BNC2: variants seen among roughly 807,000 people sequenced by gnomAD.
The protein encoded by BNC2 is basonuclin zinc finger protein 2, also known as zinc finger protein basonuclin-2.
Under a neutral mutation model 76.3 loss-of-function variants are expected in BNC2, and 20 were observed. That is an observed-to-expected ratio of 0.26 (90% CI 0.18 to 0.38). The LOEUF is 0.38. Among genes scored for constraint, BNC2 ranks in the 10% least tolerant of loss-of-function variants. The pLI, the probability that BNC2 is intolerant of heterozygous loss-of-function variation, is 1.00. For synonymous variants in BNC2, 582 were observed against 514.8 expected (o/e 1.13, Z -1.77); for missense variants, 1,382 against 1,399.8 (o/e 0.99, Z 0.20).
At chr9:16,531,792 A>G (rs1254931315) in intron 5 of BNC2, among the ~76,000 whole-genome samples, 2 of 152,236 alleles carry the variant, frequency 1.3e-5, no homozygotes, top group East Asian at 3.9e-4. Flanking sequence ...TTATCTAGAG[A>G]TCTCCTGTAT....
chr9:16,627,566 A>C (rs1821033736), intron 3 of BNC2, among the ~76,000 whole-genome samples: 1 of 152,176 alleles, frequency 6.6e-6, no homozygotes, highest in Non-Finnish European at 1.5e-5. Context: ...TAATGACACC[A>C]AAATTACTTA....
chr9:16,691,440 G>C (rs1255450429), intron 3 of BNC2, among the ~76,000 whole-genome samples: 1 of 150,840 alleles, frequency 6.6e-6, no homozygotes, highest in African/African-American at 2.4e-5. Context: ...CTTTACCTGG[G>C]TTTTAGCATT....
intron 3 of BNC2, among the ~76,000 whole-genome samples, chr9:16,702,175 T>C (rs1197038836): frequency 2.0e-5 from 3 of 152,166 alleles, no homozygotes; most frequent in Non-Finnish European, 2.9e-5. Flanking sequence ...TTTTGTTTAA[T>C]TCTACAGAGG....
At chr9:16,637,691 T>C (rs2133815416) in intron 3 of BNC2, among the ~76,000 whole-genome samples, 1 of 152,292 alleles carries the variant, frequency 6.6e-6, no homozygotes, top group South Asian at 2.1e-4. Context: ...CACACAACCA[T>C]GCATCTAACA....
chr9:16,718,246 G>C (rs552738032), intron 3 of BNC2, among the ~76,000 whole-genome samples: 2 of 152,226 alleles, frequency 1.3e-5, no homozygotes, highest in Admixed American at 6.5e-5. Context: ...CATCTCACCT[G>C]TATGAGGCCA....
intron 5 of BNC2, among the ~76,000 whole-genome samples, chr9:16,515,234 G>T (rs1023529798): frequency 2.0e-5 from 3 of 152,220 alleles, no homozygotes; most frequent in Admixed American, 6.5e-5. Context: ...GTCTGTGGCT[G>T]TCAGTGTCTG....
At chr9:16,868,600 A>G (rs1819599583) in intron 1 of BNC2, among the ~76,000 whole-genome samples, 2 of 152,240 alleles carry the variant, frequency 1.3e-5, no homozygotes, top group African/African-American at 4.8e-5. Flanking sequence ...AAAGATACTC[A>G]AAACAAAGTT....
Position 16,507,250 on chromosome 9 carries a change from C to CTTTTTTTT in BNC2, c.669+45272_669+45279dup, listed in dbSNP as rs36072200. On this transcript the variant is annotated intron_variant, in intron 5 of 6. Transcript: ENST00000380672. ...CTTTTGAGGGCAGTGTGTCCATTTG[C>CTTTTTTTT]TTTTTTTTTTTTTTTTTTTTTTTTT... Among the ~76,000 whole-genome samples the CTTTTTTTT allele has an allele frequency of 1.3e-3, 105 of 83,190 alleles. 1 individual carries two copies. The highest frequency in any genetic ancestry group is 1.7e-3 in the East Asian group (4 of 2,354). 54.6% of individuals were successfully genotyped at this position (83,190 alleles called of 152,430 possible).
chr9:16,723,502 G>T (rs200617420), intron 3 of BNC2, among the ~76,000 whole-genome samples: 1 of 2,930 alleles, frequency 3.4e-4, no homozygotes, highest in African/African-American at 6.1e-4. Flanking sequence ...CAAAAAAATT[G>T]GGGGGGGGGA....
intron 1 of BNC2, among the ~76,000 whole-genome samples, chr9:16,846,680 A>G (rs966968752): frequency 2.0e-5 from 3 of 152,212 alleles, no homozygotes; most frequent in South Asian, 4.1e-4. Flanking sequence ...AAGCATATCT[A>G]AGACAGGATT....
chr9:16,792,552 G>A (rs1184978150), intron 1 of BNC2, among the ~76,000 whole-genome samples: 3 of 152,178 alleles, frequency 2.0e-5, no homozygotes, highest in Admixed American at 6.5e-5. Context: ...AGAGATCTGA[G>A]AAGCTAGAAA....
At chr9:16,512,390 G>A (rs7028666) in intron 5 of BNC2, among the ~76,000 whole-genome samples, 16,876 of 152,104 alleles carry the variant, frequency 0.11, 1,262 homozygotes, top group East Asian at 0.29. Flanking sequence ...CAATCAAACT[G>A]ATGAGAGCTT....
intron 3 of BNC2, among the ~76,000 whole-genome samples, chr9:16,711,405 G>A (rs1459400469): frequency 2.6e-5 from 4 of 152,044 alleles, no homozygotes; most frequent in African/African-American, 7.2e-5. Context: ...TAATTAAAAC[G>A]GAGTTTACAT....
At position 16,580,229 on chromosome 9, in the gene BNC2, C is replaced by A. The variant is rs981058319; in HGVS notation, c.433+2754G>T. The A allele has an allele frequency of 1.8e-5, 7 of 398,190 alleles. No homozygotes were observed. In the South Asian group the frequency reaches 8.9e-4, roughly 51 times the overall value. The allele number at this position is 398,190 out of a possible 1,614,324, so 24.7% of individuals were successfully genotyped here. A position where few individuals can be genotyped will look rare whatever the true frequency, so the allele number is the denominator to read the frequency against. Reference sequence around the variant, plus strand: ...GGGTGCTGTCATCCCACTGCCAACTCCAAGGCTAGAGGCCAACCCCTCACT... The same window carrying A: ...GGGTGCTGTCATCCCACTGCCAACTACAAGGCTAGAGGCCAACCCCTCACT... On this transcript the variant is annotated intron_variant, in intron 4 of 6. Coordinates refer to ENST00000380672, the MANE Select transcript of BNC2 (RefSeq NM_017637.6).
chr9:16,731,558 G>C (rs1824504887), intron 2 of BNC2, among the ~76,000 whole-genome samples: 1 of 152,198 alleles, frequency 6.6e-6, no homozygotes, highest in Non-Finnish European at 1.5e-5. Context: ...CAATGGCTCT[G>C]AAAGTGACTT....
At chr9:16,718,862 A>G (rs1214036472) in intron 3 of BNC2, among the ~76,000 whole-genome samples, 1 of 152,136 alleles carries the variant, frequency 6.6e-6, no homozygotes, top group Non-Finnish European at 1.5e-5. Flanking sequence ...CCAGCCAACC[A>G]ATGGAGCAGG....
chr9:16,564,113 C>A (rs963543272), intron 4 of BNC2, among the ~76,000 whole-genome samples: 1 of 152,048 alleles, frequency 6.6e-6, no homozygotes, highest in Non-Finnish European at 1.5e-5. Flanking sequence ...CAGAAAGCAA[C>A]AATTTCATGT....
chr9:16,434,226 G>GA (rs995836456), intron 6 of BNC2, among the ~76,000 whole-genome samples: 3 of 151,838 alleles, frequency 2.0e-5, no homozygotes, highest in African/African-American at 7.3e-5. Flanking sequence ...CAGTAGAAAG[G>GA]AAAAAAATAT....
intron 5 of BNC2, among the ~76,000 whole-genome samples, chr9:16,467,275 G>A (rs1209525402): frequency 1.4e-4 from 15 of 104,760 alleles, no homozygotes; most frequent in African/African-American, 2.0e-4. Flanking sequence ...TCAGTGTGGC[G>A]ATTCCTCAGG....
Sources: allele counts gnomAD v4.1 joint callset (sites outside exome capture counted in the v4.1 genomes callset), GRCh38; gene constraint gnomAD v4.1.1; transcripts MANE v1.5; gene names NCBI Gene and HGNC (gene_info 2026-07-23, HGNC 2026-07-21).